The following DIP2B variants were observed in gnomAD, a reference collection of about 807,000 sequenced individuals.
DIP2B encodes disco-interacting protein 2 homolog B.
A neutral mutation model predicts 198.0 loss-of-function variants in DIP2B; 76 were observed. That is an observed-to-expected ratio of 0.38 (90% confidence interval 0.32 to 0.46). The LOEUF (loss-of-function observed/expected upper bound fraction) is 0.46. DIP2B is among the 20% of genes least tolerant of loss of function. The probability of loss-of-function intolerance (pLI) is 0.99; values close to 1 mark genes in which losing one functional copy is unlikely to be tolerated. For missense variants in DIP2B, 1,559 were observed against 1,978.4 expected, an observed-to-expected ratio of 0.79 and a Z score of 4.02; for synonymous variants, 701 against 739.1, an observed-to-expected ratio of 0.95 and a Z score of 0.84.
intron 12 of DIP2B, 97 bp from the exon 13 acceptor site, chr12:50,690,952 A>T: frequency 2.1e-6 from 2 of 975,416 alleles, no homozygotes; most frequent in East Asian, 2.5e-5. Flanking sequence ...TCAGCCCATT[A>T]TGATGGTTTT....
Position 50,724,858 on chromosome 12 carries a change from G to A in DIP2B, c.3372G>A (p.Val1124=). The change falls in exon 28 of 38, where the codon GTG becomes GTA. Residue 1124 remains valine (V), a synonymous_variant. Transcript: ENST00000301180. ...GAGAGGCAGCAGCAGCTGTGGATGTGAAAACCTGGCCAACCATCATTGACA... is the reference window on the plus strand; with the variant it reads ...GAGAGGCAGCAGCAGCTGTGGATGTAAAAACCTGGCCAACCATCATTGACA... ...RSREAAAAVD[V]KTWPTIIDTD... 1 of 1,614,150 alleles carries A rather than the reference G, an allele frequency of 6.2e-7. No individual in the cohort carries two copies. The highest frequency in any genetic ancestry group is 1.1e-5 in the South Asian group (1 of 91,072).
chr12:50,536,405 A>G (rs964889482), intron 1 of DIP2B, among the ~76,000 whole-genome samples: 3 of 152,192 alleles, frequency 2.0e-5, no homozygotes, highest in African/African-American at 7.2e-5. Flanking sequence ...GCAGTGAGCT[A>G]TGATCATGCC....
At chr12:50,599,027 G>A in intron 1 of DIP2B, among the ~76,000 whole-genome samples, 1 of 140,034 alleles carries the variant, frequency 7.1e-6, no homozygotes. Flanking sequence ...CAGTGGCTCA[G>A]GCCTGTAATC....
chr12:50,699,312 A>G, intron 19 of DIP2B, 110 bp downstream of exon 19: 1 of 1,468,636 alleles, frequency 6.8e-7, no homozygotes, highest in African/African-American at 1.4e-5. Context: ...GAGAGTGTGT[A>G]CTCTGGAGCT....
intron 16 of DIP2B, among the ~76,000 whole-genome samples, chr12:50,696,822 A>C (rs908278073): frequency 2.6e-5 from 4 of 152,204 alleles, no homozygotes; most frequent in Admixed American, 1.3e-4. Flanking sequence ...GAGCAGCCTT[A>C]TTCCAAGGTG....
rs183506430 is a variant in DIP2B at position 50,531,696 on chromosome 12, G to A, written c.100+26456G>A. Among the ~76,000 whole-genome samples the A allele has an allele frequency of 4.1e-3, 617 of 152,224 alleles. 5 individuals carry two copies. The highest frequency in any genetic ancestry group is 0.014 in the African/African-American group (576 of 41,528). ...AGAGGAAGTGGAAGTAGAGGCAGGC[G>A]GGGTACCCTGCTGTTTCAAGCCTGG... On this transcript the variant is annotated intron_variant, in intron 1 of 37. Coordinates refer to ENST00000301180, the MANE Select transcript of DIP2B (RefSeq NM_173602.3).
At chr12:50,593,714 T>C (rs1958842345) in intron 1 of DIP2B, among the ~76,000 whole-genome samples, 7 of 3,574 alleles carry the variant, frequency 2.0e-3, no homozygotes, top group African/African-American at 6.5e-3. Context: ...TCCCCTCCTC[T>C]CCTCTCCTCT....
In DIP2B at chr12:50,717,369, T is replaced by C. The variant is rs1391868791; in HGVS notation, c.2852-1340T>C. 7.5e-4 allele frequency among the ~76,000 whole-genome samples: 100 copies of C among 133,470 alleles called. 1 individual carries two copies. The highest frequency in any genetic ancestry group is 2.5e-3 in the Admixed American group (33 of 13,074). The allele number at this position is 133,470 out of a possible 152,430, so 87.6% of individuals were successfully genotyped here. ...CTCAGCTCACTGCAGCTTTTTTTTT[T>C]TTTTTTTTTTTTTTGAGATGGAGTC... On this transcript the variant is annotated intron_variant, in intron 23 of 37. Coordinates refer to ENST00000301180, the MANE Select transcript of DIP2B (RefSeq NM_173602.3).
intron 1 of DIP2B, among the ~76,000 whole-genome samples, chr12:50,591,774 T>G (rs1252775099): frequency 1.3e-5 from 2 of 152,046 alleles, no homozygotes; most frequent in East Asian, 3.8e-4. Flanking sequence ...GATAAAATTC[T>G]TATACTACAT....
At chr12:50,558,632 C>T (rs1236481268) in intron 1 of DIP2B, among the ~76,000 whole-genome samples, 1 of 152,134 alleles carries the variant, frequency 6.6e-6, no homozygotes, top group East Asian at 1.9e-4. Flanking sequence ...CTCTAATAGC[C>T]CCTGTTTTTT....
chr12:50,582,919 G>A (rs1220841603), intron 1 of DIP2B, among the ~76,000 whole-genome samples: 1 of 152,094 alleles, frequency 6.6e-6, no homozygotes, highest in African/African-American at 2.4e-5. Context: ...AATTTTGGGG[G>A]TGTGTGGGGT....
chr12:50,505,181 C>A lies in DIP2B; in HGVS notation c.41C>A (p.Ala14Glu), dbSNP rs1381140625. 4 of 1,524,606 alleles carry A rather than the reference C, an allele frequency of 2.6e-6. No homozygotes were observed. In the Admixed American group the frequency reaches 7.9e-5, roughly 30 times the overall value. The allele number at this position is 1,524,606 out of a possible 1,614,324, so 94.4% of individuals were successfully genotyped here. The change falls in exon 1 of 38, where the codon GCG becomes GAG. Residue 14 changes from alanine to glutamate, a missense_variant. Ala to Glu is a moderately radical substitution (Grantham distance 107). Coordinates refer to ENST00000301180, the MANE Select transcript of DIP2B (RefSeq NM_173602.3). Reference sequence around the variant, plus strand: ...CTGGAGCCGTCGCCGGCCGCGGTGGCGGCGCTGCCGCCTGAAGTGCGGGCG... The same window carrying A: ...CTGGAGCCGTCGCCGGCCGCGGTGGAGGCGCTGCCGCCTGAAGTGCGGGCG... ...RGLEPSPAAV[A>E]ALPPEVRAQL...
At chr12:50,735,781 C>T (rs2139602487) in intron 34 of DIP2B, among the ~76,000 whole-genome samples, 1 of 152,196 alleles carries the variant, frequency 6.6e-6, no homozygotes, top group South Asian at 2.1e-4. Flanking sequence ...ATCTTACAAA[C>T]GTCACAAGGA....
chr12:50,573,924 A>G (rs983167152), intron 1 of DIP2B, among the ~76,000 whole-genome samples: 1 of 152,238 alleles, frequency 6.6e-6, no homozygotes, highest in African/African-American at 2.4e-5. Context: ...GCATTTCAAG[A>G]TAAGTATATT....
chr12:50,640,687 G>A (rs939266396), intron 2 of DIP2B, 37 bp from the exon 3 acceptor site: 1 of 1,607,820 alleles, frequency 6.2e-7, no homozygotes, highest in Non-Finnish European at 8.5e-7. Flanking sequence ...AGCTATTACT[G>A]TTACTGGATA....
At position 50,671,203 on chromosome 12, in the gene DIP2B, G is replaced by T; in HGVS notation, c.445G>T (p.Glu149Ter). 2.5e-6 allele frequency: 4 copies of T among 1,614,164 alleles called. No individual in the cohort carries two copies. The highest frequency in any genetic ancestry group is 3.4e-6 in the Non-Finnish European group (4 of 1,180,032). ...CTPPDTSSAS[E>*]DEGSLRRQAA... The stretch of plus-strand genomic sequence containing the variant: ...CCACACAGACACATCTTCGGCCTCT[G>T]AGGATGAGGGCTCTCTGAGACGCCA... The change falls in exon 5 of 38, where the codon GAG (glutamate) becomes TAG (stop). Residue 149 changes from glutamate (E) to a stop codon, truncating the protein, a stop_gained. Coordinates refer to ENST00000301180, the MANE Select transcript of DIP2B (RefSeq NM_173602.3). LOFTEE classifies it high-confidence loss of function.
At chr12:50,584,790 G>C (rs1261950175) in intron 1 of DIP2B, among the ~76,000 whole-genome samples, 1 of 152,104 alleles carries the variant, frequency 6.6e-6, no homozygotes, top group Non-Finnish European at 1.5e-5. Context: ...TCTTGAACTC[G>C]TGACCTCAAG....
chr12:50,607,166 A>G (rs1348281961), intron 1 of DIP2B, among the ~76,000 whole-genome samples: 1 of 151,192 alleles, frequency 6.6e-6, no homozygotes, highest in Non-Finnish European at 1.5e-5. Context: ...GAGGGGAACT[A>G]ACATTTATTT....
At chr12:50,549,866 T>G (rs1958411911) in intron 1 of DIP2B, among the ~76,000 whole-genome samples, 1 of 152,110 alleles carries the variant, frequency 6.6e-6, no homozygotes, top group Non-Finnish European at 1.5e-5. Context: ...AAATTTTTTG[T>G]TTTTTTCTTT....
Sources: gnomAD v4.1 joint callset for allele counts (sites outside exome capture counted in the v4.1 genomes callset) on GRCh38, gnomAD v4.1.1 for gene constraint, MANE v1.5 for transcripts, NCBI Gene and HGNC (gene_info 2026-07-23, HGNC 2026-07-21) for gene names.